TIAM2: variants seen among roughly 807,000 people sequenced by gnomAD.
TIAM2 encodes TIAM Rac1 associated GEF 2.
Under a neutral mutation model 152.9 loss-of-function variants are expected in TIAM2, and 80 were observed. That is an observed-to-expected ratio of 0.52 (90% CI 0.44 to 0.63). The LOEUF is 0.63. Ranked by LOEUF, TIAM2 falls within the 30% of genes least tolerant of loss-of-function variation. The pLI, the probability that TIAM2 is intolerant of heterozygous loss-of-function variation, is 0.00. For synonymous variants in TIAM2, 804 were observed against 838.0 expected (o/e 0.96, Z 0.70); for missense variants, 1,965 against 2,120.1 (o/e 0.93, Z 1.44).
chr6:155,203,186 G>GA (rs1398322467), intron 14 of TIAM2, among the ~76,000 whole-genome samples: 2 of 151,542 alleles, frequency 1.3e-5, no homozygotes, highest in Non-Finnish European at 2.9e-5. Context: ...TTGAAGAATT[G>GA]AAAAAAAGTC....
At chr6:155,130,832 G>A (rs1465841366) in intron 4 of TIAM2, among the ~76,000 whole-genome samples, 1 of 152,168 alleles carries the variant, frequency 6.6e-6, no homozygotes, top group African/African-American at 2.4e-5. Flanking sequence ...GAGAGAGCAG[G>A]AGGTCTAGGC....
chr6:155,195,577 G>A (rs1583242829), intron 14 of TIAM2, among the ~76,000 whole-genome samples: 1 of 152,120 alleles, frequency 6.6e-6, no homozygotes, highest in East Asian at 1.9e-4. Context: ...TTTAGTGTGT[G>A]GACATACAGA....
intron 15 of TIAM2, among the ~76,000 whole-genome samples, chr6:155,231,881 C>A (rs1433437800): frequency 6.6e-6 from 1 of 152,208 alleles, no homozygotes; most frequent in East Asian, 1.9e-4. Context: ...TTGAGATCAG[C>A]CTGACCAACA....
intron 1 of TIAM2, among the ~76,000 whole-genome samples, chr6:155,070,031 C>T (rs71575014): frequency 4.7e-5 from 7 of 149,854 alleles, no homozygotes; most frequent in African/African-American, 1.2e-4. Flanking sequence ...CTCAGCCTCC[C>T]GAGTAGCTGG....
At chr6:155,112,119 T>A (rs1046507070) in intron 2 of TIAM2, among the ~76,000 whole-genome samples, 5 of 149,084 alleles carry the variant, frequency 3.4e-5, no homozygotes, top group African/African-American at 1.2e-4. Context: ...ACTCTCTTGG[T>A]TTCCTCTTTT....
At chr6:155,195,382 T>C (rs1781316903) in intron 14 of TIAM2, among the ~76,000 whole-genome samples, 1 of 152,234 alleles carries the variant, frequency 6.6e-6, no homozygotes, top group African/African-American at 2.4e-5. Context: ...AAGATCACAC[T>C]GAGGCCAAGC....
chr6:155,086,661 C>T (rs907087743), intron 1 of TIAM2, among the ~76,000 whole-genome samples: 8 of 150,126 alleles, frequency 5.3e-5, no homozygotes, highest in South Asian at 2.1e-4. Flanking sequence ...GAGCTGAGAT[C>T]GCGCCACTGT....
intron 1 of TIAM2, among the ~76,000 whole-genome samples, chr6:155,008,720 G>A (rs1487126304): frequency 6.6e-6 from 1 of 152,056 alleles, no homozygotes; most frequent in Non-Finnish European, 1.5e-5. Context: ...TGGAATGTAC[G>A]TATATTCCAC....
chr6:155,077,131 G>A (rs1777979370), intron 1 of TIAM2, among the ~76,000 whole-genome samples: 1 of 151,048 alleles, frequency 6.6e-6, no homozygotes, highest in African/African-American at 2.4e-5. Context: ...ACAGGAAGCT[G>A]TTCTATAAAC....
chr6:155,028,000 TATATA>T lies in TIAM2; in HGVS notation c.-209+32514_-209+32518del, dbSNP rs199995594. ...TATGTACTGTGTTACATATATACTA[TATATA>T]ATATATGTACTGTGTTATATACTAT... On this transcript the variant is annotated intron_variant, in intron 1 of 26. Coordinates refer to ENST00000682666, the MANE Select transcript of TIAM2 (RefSeq NM_012454.4). Among the ~76,000 whole-genome samples the T allele has an allele frequency of 1.9e-4, 20 of 104,432 alleles. No homozygotes were observed. In the East Asian group the frequency reaches 3.3e-3, roughly 17 times the overall value. 68.5% of individuals were successfully genotyped at this position (104,432 alleles called of 152,430 possible). A position where few individuals can be genotyped will look rare whatever the true frequency, so the allele number is the denominator to read the frequency against.
chr6:155,099,044 G>A (rs187838721), intron 2 of TIAM2, among the ~76,000 whole-genome samples: 28 of 152,178 alleles, frequency 1.8e-4, no homozygotes, highest in African/African-American at 6.0e-4. Context: ...AAAATTAGTC[G>A]GGCGTGGTGG....
chr6:155,118,411 TTTTTTCTTTTTC>T lies in TIAM2; in HGVS notation c.-117-9061_-117-9050del, dbSNP rs145140786. Among the ~76,000 whole-genome samples the T allele has an allele frequency of 3.0e-4, 41 of 135,018 alleles. No individual in the cohort carries two copies. In the South Asian group the frequency reaches 6.8e-3, roughly 22 times the overall value. 88.6% of individuals were successfully genotyped at this position (135,018 alleles called of 152,430 possible). A position where few individuals can be genotyped will look rare whatever the true frequency, so the allele number is the denominator to read the frequency against. ...CTTTCTTTCCTTTCCTTTATTTTTCTTTTTTCTTTTTCTTTTTCTTTTTCTTTTTTTTTTTTT... is the reference window on the plus strand; with the variant it reads ...CTTTCTTTCCTTTCCTTTATTTTTCTTTTTTCTTTTTCTTTTTTTTTTTTT... On this transcript the variant is annotated intron_variant, in intron 2 of 26. Coordinates refer to ENST00000682666, the MANE Select transcript of TIAM2 (RefSeq NM_012454.4).
At chr6:155,061,267 T>A (rs1289165617) in intron 1 of TIAM2, among the ~76,000 whole-genome samples, 2 of 147,110 alleles carry the variant, frequency 1.4e-5, no homozygotes, top group African/African-American at 5.5e-5. Context: ...ACTTTATATT[T>A]CTGTATCTAT....
At chr6:155,072,217 A>G (rs938107907) in intron 1 of TIAM2, among the ~76,000 whole-genome samples, 118 of 152,324 alleles carry the variant, frequency 7.7e-4, no homozygotes, top group African/African-American at 2.5e-3. Flanking sequence ...AAACTCGAGC[A>G]TAACAGGATC....
chr6:155,026,071 G>A (rs1289355352), intron 1 of TIAM2, among the ~76,000 whole-genome samples: 1 of 152,044 alleles, frequency 6.6e-6, no homozygotes, highest in Non-Finnish European at 1.5e-5. Context: ...CCAGAGCTCT[G>A]ATAATGATAG....
At position 155,218,107 on chromosome 6, in the gene TIAM2, T is replaced by C. The variant is rs1414523809; in HGVS notation, c.3168+6800T>C. ...CATTATTGCAAGATCTTTTTGGTTA[T>C]GTTTTTGTTAGGCAGTCAAGCTAAA... On this transcript the variant is annotated intron_variant, in intron 15 of 26. Transcript: ENST00000682666. The surrounding 1 kb of genome is among the most constrained non-coding windows in gnomAD (Gnocchi z 4.5). Among the ~76,000 whole-genome samples, 1 of 152,250 alleles carries C rather than the reference T, an allele frequency of 6.6e-6. No individual in the cohort carries two copies. The highest frequency in any genetic ancestry group is 1.5e-5 in the Non-Finnish European group (1 of 68,042).
intron 1 of TIAM2, among the ~76,000 whole-genome samples, chr6:155,025,877 G>C (rs867291043): frequency 5.6e-4 from 59 of 106,236 alleles, no homozygotes; most frequent in African/African-American, 1.5e-3. Context: ...CACACACACA[G>C]AAAAGAAAGA....
At chr6:155,012,353 C>A (rs1778504235) in intron 1 of TIAM2, among the ~76,000 whole-genome samples, 1 of 152,108 alleles carries the variant, frequency 6.6e-6, no homozygotes, top group African/African-American at 2.4e-5. Context: ...TGATTTTTCT[C>A]ACTTTTGAGC....
intron 1 of TIAM2, among the ~76,000 whole-genome samples, chr6:155,053,591 CT>C (rs1777372593): frequency 6.6e-6 from 1 of 151,818 alleles, no homozygotes; most frequent in Non-Finnish European, 1.5e-5. Context: ...ATGCCTCAGC[CT>C]CCCGAGTAGC....
Sources: gnomAD v4.1 joint callset for allele counts (sites outside exome capture counted in the v4.1 genomes callset) on GRCh38, gnomAD v4.1.1 for gene constraint, Gnocchi (gnomAD v3.1) non-coding constraint, MANE v1.5 for transcripts, NCBI Gene and HGNC (gene_info 2026-07-23, HGNC 2026-07-21) for gene names.